ARHGAP28: variants seen among roughly 807,000 people sequenced by gnomAD.
ARHGAP28 encodes the protein Rho GTPase activating protein 28, also known as rho GTPase-activating protein 28.
In ARHGAP28, 56 loss-of-function variants were observed where a neutral mutation model predicts 90.7. The ratio of observed to expected loss-of-function variants is 0.62; its 90% CI spans 0.50 to 0.77. The LOEUF (loss-of-function observed/expected upper bound fraction) is 0.77. Ranked by LOEUF, ARHGAP28 falls within the 30% of genes least tolerant of loss-of-function variation. The pLI, the probability that ARHGAP28 is intolerant of heterozygous loss-of-function variation, is 0.00. For missense variants in ARHGAP28, 869 were observed against 900.9 expected (o/e 0.96, Z 0.45); for synonymous variants, 308 against 323.3 (o/e 0.95, Z 0.51).
At chr18:6,849,479 A>C (rs1008232649) in intron 3 of ARHGAP28, among the ~76,000 whole-genome samples, 1 of 151,506 alleles carries the variant, frequency 6.6e-6, no homozygotes, top group African/African-American at 2.4e-5. Flanking sequence ...ACCAACTTAC[A>C]TAATCACATA....
At chr18:6,899,391 T>G (rs922893247) in intron 16 of ARHGAP28, among the ~76,000 whole-genome samples, 1 of 152,130 alleles carries the variant, frequency 6.6e-6, no homozygotes, top group African/African-American at 2.4e-5. Context: ...GACAGAGCAC[T>G]GCGGAAACTT....
At chr18:6,743,503 G>A (rs1226392787) in intron 1 of ARHGAP28, among the ~76,000 whole-genome samples, 1 of 152,120 alleles carries the variant, frequency 6.6e-6, no homozygotes, top group East Asian at 1.9e-4. Flanking sequence ...TCCAAAATCT[G>A]AGCATCCCTT....
At chr18:6,797,651 GT>G (rs1420553562) in intron 1 of ARHGAP28, among the ~76,000 whole-genome samples, 8 of 149,894 alleles carry the variant, frequency 5.3e-5, no homozygotes, top group Non-Finnish European at 1.0e-4. Context: ...TTTAGATGAT[GT>G]TTTTAGAAAC....
chr18:6,830,118 C>T (rs1289509845), intron 2 of ARHGAP28, among the ~76,000 whole-genome samples: 3 of 152,116 alleles, frequency 2.0e-5, no homozygotes, highest in Non-Finnish European at 4.4e-5. Flanking sequence ...ATTAAGGGCC[C>T]ACCCTACTCC....
At chr18:6,909,165 T>C (rs2057380537) in intron 17 of ARHGAP28, 141 bp downstream of exon 17, 1 of 582,498 alleles carries the variant, frequency 1.7e-6, no homozygotes, top group Non-Finnish European at 3.0e-6. Flanking sequence ...TTTTATCTCA[T>C]GTGGGAACAG....
chr18:6,745,312 G>C (rs1270440433), intron 1 of ARHGAP28, among the ~76,000 whole-genome samples: 1 of 152,084 alleles, frequency 6.6e-6, no homozygotes. Flanking sequence ...CTTCCACCAA[G>C]GAACATTTCT....
intron 1 of ARHGAP28, among the ~76,000 whole-genome samples, chr18:6,820,510 G>A (rs2056619563): frequency 6.6e-6 from 1 of 152,184 alleles, no homozygotes; most frequent in Admixed American, 6.5e-5. Flanking sequence ...AGAGAAAATG[G>A]ATGTGGATAT....
At chr18:6,764,305 G>C (rs966118986) in intron 1 of ARHGAP28, among the ~76,000 whole-genome samples, 7 of 152,172 alleles carry the variant, frequency 4.6e-5, no homozygotes, top group African/African-American at 1.4e-4. Context: ...TCAGCACTGT[G>C]ACACTACCTG....
chr18:6,740,877 T>G (rs6506437), intron 1 of ARHGAP28, among the ~76,000 whole-genome samples: 147,883 of 152,230 alleles, frequency 0.97, 71,995 homozygotes, highest in Middle Eastern at 1. Flanking sequence ...AACCTGTCGA[T>G]CCTGGTTTGA....
chr18:6,783,254 T>A (rs1237301209), intron 1 of ARHGAP28, among the ~76,000 whole-genome samples: 1 of 152,126 alleles, frequency 6.6e-6, no homozygotes, highest in Non-Finnish European at 1.5e-5. Flanking sequence ...TTTTTTTCCA[T>A]GTCGCCCCCC....
Position 6,746,778 on chromosome 18 carries a change from G to A in ARHGAP28, c.122+16835G>A, listed in dbSNP as rs566274596. On this transcript the variant is annotated intron_variant, in intron 1 of 17. Coordinates refer to ENST00000383472, the MANE Select transcript of ARHGAP28 (RefSeq NM_001366230.1). ...GTTGACATTTGGAGAAACTGTCTTA[G>A]CTCATGTGTTTTAAAGGAATAAAAG... Among the ~76,000 whole-genome samples the A allele has an allele frequency of 3.3e-5, 5 of 152,252 alleles. No individual in the cohort carries two copies. The South Asian group carries it at 1.0e-3, about 32-fold the overall frequency.
intron 1 of ARHGAP28, among the ~76,000 whole-genome samples, chr18:6,811,768 T>G (rs2056558783): frequency 6.6e-6 from 1 of 152,158 alleles, no homozygotes; most frequent in Admixed American, 6.5e-5. Context: ...CCAGAAAATC[T>G]TTTGTAAAAG....
chr18:6,833,592 C>T (rs2143834896), intron 2 of ARHGAP28, among the ~76,000 whole-genome samples: 1 of 152,176 alleles, frequency 6.6e-6, no homozygotes, highest in African/African-American at 2.4e-5. Context: ...TTCCCAATGA[C>T]TTAGACTCAG....
At position 6,752,259 on chromosome 18, in the gene ARHGAP28, G is replaced by A. The variant is rs1317858087; in HGVS notation, c.122+22316G>A. Among the ~76,000 whole-genome samples the A allele has an allele frequency of 3.9e-5, 6 of 152,086 alleles. No homozygotes were observed. In the South Asian group the frequency reaches 8.3e-4, roughly 21 times the overall value. On this transcript the variant is annotated intron_variant, in intron 1 of 17. Transcript: ENST00000383472. ...ATTGCTACTCTCAGATAAAAGACACGAATAGGACCAATGGAATTCTTTCCA... is the reference window on the plus strand; with the variant it reads ...ATTGCTACTCTCAGATAAAAGACACAAATAGGACCAATGGAATTCTTTCCA...
At chr18:6,904,566 C>T (rs547858684) in intron 16 of ARHGAP28, among the ~76,000 whole-genome samples, 6 of 151,834 alleles carry the variant, frequency 4.0e-5, no homozygotes, top group Admixed American at 6.6e-5. Context: ...AAAATATACC[C>T]GAAGGAACAA....
intron 16 of ARHGAP28, among the ~76,000 whole-genome samples, chr18:6,903,576 T>A (rs1567988794): frequency 6.6e-6 from 1 of 152,128 alleles, no homozygotes; most frequent in African/African-American, 2.4e-5. Flanking sequence ...CTCATGCCTG[T>A]AATTCCAGCA....
Position 6,837,357 on chromosome 18 carries a change from A to C in ARHGAP28, c.486A>C (p.Lys162Asn). The C allele has an allele frequency of 6.2e-7, 1 of 1,614,004 alleles. No homozygotes were observed. Among genetic ancestry groups the C allele is most frequent in the Non-Finnish European group, 8.5e-7 (1 of 1,180,014 alleles). Residue 162 changes from lysine to asparagine, a missense_variant, in exon 3 of 18, where the codon AAA (lysine) becomes AAC (asparagine). Transcript: ENST00000383472. ...ATACCTATACCCAAACCATGAGGAA[A>C]AAGGATAAGCAATCTATCAGGGATG... Reference protein sequence around the residue: ...RYHTYTQTMRKKDKQSIRDVR... With the variant: ...RYHTYTQTMRNKDKQSIRDVR...
intron 3 of ARHGAP28, among the ~76,000 whole-genome samples, chr18:6,848,088 G>A (rs1037744826): frequency 2.6e-5 from 4 of 152,108 alleles, no homozygotes; most frequent in South Asian, 4.2e-4. Context: ...CAGAAGGAAC[G>A]CAGGTGTTCA....
At chr18:6,870,451 C>T in intron 6 of ARHGAP28, 139 bp from the exon 7 acceptor site, 1 of 813,618 alleles carries the variant, frequency 1.2e-6, no homozygotes, top group Non-Finnish European at 1.9e-6. Context: ...CGGGGTGAGT[C>T]TGCTGCTTTT....
Sources: allele counts gnomAD v4.1 joint callset (sites outside exome capture counted in the v4.1 genomes callset), GRCh38; gene constraint gnomAD v4.1.1; transcripts MANE v1.5; gene names NCBI Gene and HGNC (gene_info 2026-07-23, HGNC 2026-07-21).